The following NEGR1 variants were observed in gnomAD, a reference collection of about 807,000 sequenced individuals.
The protein encoded by NEGR1 is neuronal growth regulator 1.
Under a neutral mutation model 40.9 loss-of-function variants are expected in NEGR1, and 10 were observed. The observed-to-expected ratio is 0.24, with a 90% CI of 0.15 to 0.42. The LOEUF (loss-of-function observed/expected upper bound fraction) is 0.42. Ranked by LOEUF, NEGR1 falls within the 10% of genes least tolerant of loss-of-function variation. The pLI, the probability that NEGR1 is intolerant of heterozygous loss-of-function variation, is 1.00. For synonymous variants in NEGR1, 185 were observed against 166.8 expected (o/e 1.11, Z -0.84); for missense variants, 352 against 438.9 (o/e 0.80, Z 1.77).
At chr1:72,068,077 T>C (rs1369507257) in intron 1 of NEGR1, among the ~76,000 whole-genome samples, 1 of 152,212 alleles carries the variant, frequency 6.6e-6, no homozygotes, top group African/African-American at 2.4e-5. Context: ...TCATTGATTA[T>C]AGTTTAAAAC....
chr1:72,143,914 A>AATATATATATATATATATATATAT (rs61582804), intron 1 of NEGR1, among the ~76,000 whole-genome samples: 8 of 130,598 alleles, frequency 6.1e-5, no homozygotes, highest in African/African-American at 2.4e-4. Context: ...TGATATATAT[A>AATATATATATATATATATATATAT]ATATATATAT....
At chr1:71,920,769 C>T (rs142697200) in intron 2 of NEGR1, among the ~76,000 whole-genome samples, 214 of 152,274 alleles carry the variant, frequency 1.4e-3, no homozygotes, top group African/African-American at 4.9e-3. Context: ...GTTTCTCCAC[C>T]CGGCACAGGT....
At chr1:71,409,811 A>G (rs1273549451) in intron 6 of NEGR1, among the ~76,000 whole-genome samples, 2 of 152,028 alleles carry the variant, frequency 1.3e-5, no homozygotes, top group African/African-American at 2.4e-5. Flanking sequence ...AATCAAAATG[A>G]GTATTTCTGT....
At chr1:71,886,424 A>G (rs1660724020) in intron 2 of NEGR1, among the ~76,000 whole-genome samples, 2 of 151,630 alleles carry the variant, frequency 1.3e-5, no homozygotes, top group South Asian at 2.1e-4. Flanking sequence ...CAGATTATAT[A>G]TTAAATGACC....
chr1:71,433,393 C>G (rs1233697087), intron 6 of NEGR1, among the ~76,000 whole-genome samples: 1 of 152,180 alleles, frequency 6.6e-6, no homozygotes, highest in Non-Finnish European at 1.5e-5. Context: ...GTGCTTCACA[C>G]TGCCCCAAAA....
At chr1:71,887,944 G>C (rs1307220046) in intron 2 of NEGR1, among the ~76,000 whole-genome samples, 1 of 150,864 alleles carries the variant, frequency 6.6e-6, no homozygotes, top group African/African-American at 2.4e-5. Flanking sequence ...CAATCCTGCT[G>C]CAATGGGTAG....
At chr1:71,549,445 T>C (rs965246134) in intron 6 of NEGR1, among the ~76,000 whole-genome samples, 2 of 151,734 alleles carry the variant, frequency 1.3e-5, no homozygotes, top group African/African-American at 4.8e-5. Flanking sequence ...CAAAATTTCA[T>C]TGGTCAGAAA....
At chr1:72,123,441 G>T (rs1649882826) in intron 1 of NEGR1, among the ~76,000 whole-genome samples, 1 of 151,644 alleles carries the variant, frequency 6.6e-6, no homozygotes, top group African/African-American at 2.4e-5. Flanking sequence ...AATGTTCCAG[G>T]ATCATAATGA....
intron 4 of NEGR1, among the ~76,000 whole-genome samples, chr1:71,649,381 A>G (rs566252285): frequency 1.3e-5 from 2 of 152,266 alleles, no homozygotes; most frequent in African/African-American, 4.8e-5. Context: ...AAAGATGTAC[A>G]TAAGAGCAAA....
At chr1:72,259,814 T>C (rs912370865) in intron 1 of NEGR1, among the ~76,000 whole-genome samples, 1 of 152,128 alleles carries the variant, frequency 6.6e-6, no homozygotes, top group African/African-American at 2.4e-5. Context: ...ACTATTCTTG[T>C]ATATGGTTCT....
chr1:71,879,447 A>G (rs564079572), intron 2 of NEGR1, among the ~76,000 whole-genome samples: 1 of 152,328 alleles, frequency 6.6e-6, no homozygotes, highest in African/African-American at 2.4e-5. Flanking sequence ...ATAGTGGCTC[A>G]AGCCCAGTTA....
At chr1:71,910,027 T>TG (rs1476556368) in intron 2 of NEGR1, among the ~76,000 whole-genome samples, 2 of 152,198 alleles carry the variant, frequency 1.3e-5, no homozygotes, top group African/African-American at 4.8e-5. Context: ...AATTGACAGA[T>TG]GGAGTAAGAC....
intron 3 of NEGR1, among the ~76,000 whole-genome samples, chr1:71,771,001 C>G (rs548257417): frequency 1.3e-5 from 2 of 152,070 alleles, no homozygotes; most frequent in Non-Finnish European, 2.9e-5. Flanking sequence ...CACATGCACA[C>G]GTATGTTTAT....
At chr1:71,902,319 C>G (rs945770653) in intron 2 of NEGR1, among the ~76,000 whole-genome samples, 9 of 152,176 alleles carry the variant, frequency 5.9e-5, no homozygotes, top group African/African-American at 1.9e-4. Context: ...TTGTTTAATA[C>G]AAGGGCATTT....
chr1:72,264,012 T>A (rs1244686117), intron 1 of NEGR1, among the ~76,000 whole-genome samples: 1 of 151,390 alleles, frequency 6.6e-6, no homozygotes, highest in African/African-American at 2.4e-5. Context: ...AACGGTGTTC[T>A]CTGGAAATTA....
chr1:71,523,841 A>G (rs2101434068), intron 6 of NEGR1, among the ~76,000 whole-genome samples: 1 of 151,976 alleles, frequency 6.6e-6, no homozygotes, highest in African/African-American at 2.4e-5. Context: ...ACTGGATGAA[A>G]TTTGCTAATT....
chr1:72,113,641 AT>A (rs532983489), intron 1 of NEGR1, among the ~76,000 whole-genome samples: 6 of 151,542 alleles, frequency 4.0e-5, no homozygotes, highest in Non-Finnish European at 8.9e-5. Context: ...GTGGTGAAGG[AT>A]GGGTAAGGCT....
In NEGR1 at chr1:71,489,867, C is replaced by T. The variant is rs531623388; in HGVS notation, c.941-82297G>A. 5 of 151,946 alleles carry T rather than the reference C, an allele frequency of 3.3e-5. No individual in the cohort carries two copies. The South Asian group carries it at 1.0e-3, about 32-fold the overall frequency. The allele number at this position is 151,946 out of a possible 1,614,324, so 9.4% of individuals were successfully genotyped here. On this transcript the variant is annotated intron_variant, in intron 6 of 6. Transcript: ENST00000357731. ...GGAGGAGGATTTGCTACATTGTTCTCAATTCATCACAGAAGAGGATGAAAC... is the reference window on the plus strand; with the variant it reads ...GGAGGAGGATTTGCTACATTGTTCTTAATTCATCACAGAAGAGGATGAAAC...
intron 3 of NEGR1, among the ~76,000 whole-genome samples, chr1:71,725,333 C>G (rs765417084): frequency 3.9e-5 from 6 of 152,104 alleles, no homozygotes; most frequent in Non-Finnish European, 7.4e-5. Context: ...TTCCATTCCT[C>G]TCTTTCGGAA....
Sources: allele counts gnomAD v4.1 joint callset (sites outside exome capture counted in the v4.1 genomes callset), GRCh38; gene constraint gnomAD v4.1.1; transcripts MANE v1.5; gene names NCBI Gene and HGNC (gene_info 2026-07-23, HGNC 2026-07-21).